CLIC5: variants seen among roughly 807,000 people sequenced by gnomAD.
CLIC5 encodes the protein CLIC family member 5, also known as chloride intracellular channel protein 5.
CLIC5 carries 20 observed loss-of-function variants against 24.7 expected under a neutral mutation model. The observed-to-expected ratio is 0.81, with a 90% CI of 0.57 to 1.18. CLIC5 has a LOEUF of 1.18. CLIC5 is among the 50% of genes most tolerant of loss of function. The pLI, the probability that CLIC5 is intolerant of heterozygous loss-of-function variation, is 0.00. For missense variants in CLIC5, 341 were observed against 326.1 expected (o/e 1.05, Z -0.35); for synonymous variants, 159 against 135.6 (o/e 1.17, Z -1.20).
downstream of CLIC5, among the ~76,000 whole-genome samples, chr6:45,897,156 C>T (rs1193569379): frequency 6.6e-6 from 1 of 152,168 alleles, no homozygotes; most frequent in South Asian, 2.1e-4. Flanking sequence ...CTGCTACCCT[C>T]TCAGGGTCCC....
chr6:46,067,360 C>T (rs1581915713), intron 1 of CLIC5, among the ~76,000 whole-genome samples: 1 of 152,096 alleles, frequency 6.6e-6, no homozygotes, highest in African/African-American at 2.4e-5. Context: ...CTAACACTAT[C>T]TCCCCCTTGA....
chr6:46,040,499 A>T (rs1767776879), intron 1 of CLIC5, among the ~76,000 whole-genome samples: 1 of 151,830 alleles, frequency 6.6e-6, no homozygotes, highest in South Asian at 2.1e-4. Flanking sequence ...AGTGGGCTTG[A>T]TGATGATGAT....
At chr6:46,015,091 C>G (rs1238440183) in intron 1 of CLIC5, among the ~76,000 whole-genome samples, 1 of 152,218 alleles carries the variant, frequency 6.6e-6, no homozygotes, top group Admixed American at 6.5e-5. Flanking sequence ...CCATTCCTCC[C>G]CCTCCTCCCG....
chr6:46,058,846 T>G (rs1768337269), intron 1 of CLIC5, among the ~76,000 whole-genome samples: 1 of 152,190 alleles, frequency 6.6e-6, no homozygotes, highest in Non-Finnish European at 1.5e-5. Flanking sequence ...GATAACAGGT[T>G]GGCAGAAGGA....
chr6:45,995,763 C>A (rs1314032397), intron 1 of CLIC5, among the ~76,000 whole-genome samples: 1 of 152,056 alleles, frequency 6.6e-6, no homozygotes, highest in Non-Finnish European at 1.5e-5. Flanking sequence ...GGTACACATA[C>A]ACCATGGAAT....
intron 3 of CLIC5, 39 bp downstream of exon 3, chr6:45,949,217 C>A: frequency 6.2e-7 from 1 of 1,600,056 alleles, no homozygotes; most frequent in South Asian, 1.1e-5. Flanking sequence ...AGCATGAACC[C>A]TTCCCATTCA....
chr6:45,998,784 A>G (rs1766243888), intron 1 of CLIC5, among the ~76,000 whole-genome samples: 1 of 152,202 alleles, frequency 6.6e-6, no homozygotes, highest in Admixed American at 6.5e-5. Flanking sequence ...TCCAGGCATC[A>G]TGCCACATTC....
intron 5 of CLIC5, among the ~76,000 whole-genome samples, chr6:45,911,455 C>T (rs1205528000): frequency 6.6e-6 from 1 of 152,156 alleles, no homozygotes; most frequent in Admixed American, 6.5e-5. Flanking sequence ...GGCCAAGTTC[C>T]TTTGAGAAGA....
chr6:45,981,363 C>A (rs1581821422), intron 1 of CLIC5, among the ~76,000 whole-genome samples: 1 of 151,674 alleles, frequency 6.6e-6, no homozygotes, highest in Non-Finnish European at 1.5e-5. Context: ...ACATCCTGAA[C>A]TTTTTACAAA....
chr6:46,075,644 C>A (rs1762746950), intron 1 of CLIC5, among the ~76,000 whole-genome samples: 1 of 152,168 alleles, frequency 6.6e-6, no homozygotes, highest in South Asian at 2.1e-4. Context: ...TAATAAATGA[C>A]ATAAATTATG....
intron 5 of CLIC5, among the ~76,000 whole-genome samples, chr6:45,914,004 C>T (rs1429373174): frequency 6.6e-6 from 1 of 152,180 alleles, no homozygotes; most frequent in Non-Finnish European, 1.5e-5. Flanking sequence ...CTTCCACCAA[C>T]ACTTGAAGTA....
At chr6:45,976,192 C>A (rs4714898) in intron 1 of CLIC5, among the ~76,000 whole-genome samples, 57,494 of 152,010 alleles carry the variant, frequency 0.38, 12,140 homozygotes, top group African/African-American at 0.57. Context: ...AATTATATTA[C>A]GTATACGGCA....
rs112539609 is a variant in CLIC5 at position 45,981,872 on chromosome 6, C to G, written c.64-26628G>C. ...AATTATCCGGGCATGATGGCAGGTG[C>G]CTGTAATCCCAGTTACTCGGGAGGC... On this transcript the variant is annotated intron_variant, in intron 1 of 5. Coordinates refer to ENST00000339561, the MANE Select transcript of CLIC5 (RefSeq NM_016929.5). 6.7e-3 allele frequency among the ~76,000 whole-genome samples: 1,021 copies of G among 152,120 alleles called. 9 individuals carry two copies. Among genetic ancestry groups the G allele is most frequent in the African/African-American group, 0.023 (951 of 41,516 alleles).
intron 1 of CLIC5, among the ~76,000 whole-genome samples, chr6:46,073,240 T>C (rs964793865): frequency 6.6e-6 from 1 of 152,190 alleles, no homozygotes; most frequent in Non-Finnish European, 1.5e-5. Context: ...TCTCACCCCA[T>C]GCAAACACAC....
At chr6:46,012,218 A>G (rs945825913) in intron 1 of CLIC5, among the ~76,000 whole-genome samples, 1 of 152,220 alleles carries the variant, frequency 6.6e-6, no homozygotes, top group Non-Finnish European at 1.5e-5. Context: ...CTTATTTATA[A>G]CCATGCTCTT....
intron 1 of CLIC5, among the ~76,000 whole-genome samples, chr6:46,011,345 C>T (rs1411352493): frequency 6.6e-6 from 1 of 152,214 alleles, no homozygotes; most frequent in Non-Finnish European, 1.5e-5. Context: ...CCTATGTCAG[C>T]GGTGGCAGAA....
intron 1 of CLIC5, among the ~76,000 whole-genome samples, chr6:46,047,083 G>C (rs541397550): frequency 1.8e-4 from 27 of 152,174 alleles, no homozygotes; most frequent in Non-Finnish European, 3.2e-4. Flanking sequence ...TAAGATATTT[G>C]AGCTGCAACT....
chr6:46,108,368 TTG>T, the CLIC5 span, among the ~76,000 whole-genome samples: 39,089 of 141,926 alleles, frequency 0.28, 5,648 homozygotes, highest in Middle Eastern at 0.39. Flanking sequence ...TATCGGGTCT[TTG>T]TGTGTGTGTG....
intron 4 of CLIC5, among the ~76,000 whole-genome samples, chr6:45,925,196 T>C (rs1336110965): frequency 6.6e-6 from 1 of 152,222 alleles, no homozygotes; most frequent in African/African-American, 2.4e-5. Context: ...CTATATAGGT[T>C]TTGCTAATAA....
Sources: allele counts gnomAD v4.1 joint callset (sites outside exome capture counted in the v4.1 genomes callset), GRCh38; gene constraint gnomAD v4.1.1; transcripts MANE v1.5; gene names NCBI Gene and HGNC (gene_info 2026-07-23, HGNC 2026-07-21).